ATP10B: variants seen among roughly 807,000 people sequenced by gnomAD.
ATP10B encodes phospholipid-transporting ATPase VB.
Under a neutral mutation model 141.2 loss-of-function variants are expected in ATP10B, and 122 were observed. That is an observed-to-expected ratio of 0.86 (90% confidence interval 0.75 to 1.00). ATP10B has a LOEUF of 1.00. Ranked by LOEUF, ATP10B falls within the 50% of genes least tolerant of loss-of-function variation. The pLI is 0.00. For synonymous variants in ATP10B, 685 were observed against 692.0 expected (o/e 0.99, Z 0.16); for missense variants, 1,876 against 1,825.3 (o/e 1.03, Z -0.51).
chr5:160,594,875 G>C (rs1278285757), intron 22 of ATP10B, among the ~76,000 whole-genome samples: 2 of 152,154 alleles, frequency 1.3e-5, no homozygotes, highest in Non-Finnish European at 2.9e-5. Context: ...CAATACAGGA[G>C]CACCCAGATT....
At chr5:160,735,728 A>T (rs528618348) in intron 2 of ATP10B, among the ~76,000 whole-genome samples, 23 of 152,306 alleles carry the variant, frequency 1.5e-4, no homozygotes, top group African/African-American at 4.8e-4. Context: ...ATTCTCAAGG[A>T]TAGACCATAT....
At chr5:160,567,862 TAGG>T (rs1754638606) in intron 25 of ATP10B, among the ~76,000 whole-genome samples, 2 of 152,272 alleles carry the variant, frequency 1.3e-5, no homozygotes, top group East Asian at 1.9e-4. Flanking sequence ...TAAGATCCAA[TAGG>T]AGACTACCGA....
chr5:160,776,304 C>G (rs1439023890), intron 2 of ATP10B, among the ~76,000 whole-genome samples: 1 of 152,176 alleles, frequency 6.6e-6, no homozygotes, highest in African/African-American at 2.4e-5. Context: ...TACTTTTGGT[C>G]TTGGGCAAGT....
In ATP10B at chr5:160,596,261, C is replaced by T. The variant is rs1056594847; in HGVS notation, c.3564+2509G>A. On this transcript the variant is annotated intron_variant, in intron 22 of 25. Transcript: ENST00000327245. ...ATATACTCATATCAATAAATGTAAT[C>T]CAGCATATAAACAGAACCAAAGACA... 1.1e-4 allele frequency among the ~76,000 whole-genome samples: 16 copies of T among 152,270 alleles called. 2 individuals carry two copies. Among genetic ancestry groups the T allele is most frequent in the Admixed American group, 9.8e-4 (15 of 15,304 alleles).
At chr5:160,675,641 G>A (rs536679495) in intron 6 of ATP10B, among the ~76,000 whole-genome samples, 4 of 152,302 alleles carry the variant, frequency 2.6e-5, no homozygotes, top group East Asian at 3.9e-4. Flanking sequence ...CCTTCAGGAA[G>A]CTCGAATGCC....
intron 10 of ATP10B, among the ~76,000 whole-genome samples, chr5:160,638,685 C>T (rs1186669469): frequency 6.6e-6 from 1 of 152,152 alleles, no homozygotes; most frequent in African/African-American, 2.4e-5. Context: ...TTTCAGACAC[C>T]ATCTTTCTAA....
intron 1 of ATP10B, among the ~76,000 whole-genome samples, chr5:160,816,938 G>C (rs895616928): frequency 2.6e-5 from 4 of 152,138 alleles, no homozygotes; most frequent in Non-Finnish European, 2.9e-5. Context: ...AAAGGCCTTT[G>C]ACAAAATTCA....
the ATP10B span, among the ~76,000 whole-genome samples, chr5:160,900,410 C>T: frequency 0.099 from 15,045 of 152,176 alleles, 848 homozygotes; most frequent in Non-Finnish European, 0.12. Flanking sequence ...ATGAGCAAAA[C>T]GATGCAGTGA....
Position 160,602,678 on chromosome 5 carries a change from T to C in ATP10B, c.3262A>G (p.Ile1088Val). 4 of 1,614,004 alleles carry C rather than the reference T, an allele frequency of 2.5e-6. No homozygotes were observed. In the South Asian group the frequency reaches 3.3e-5, roughly 13 times the overall value. Residue 1088 changes from isoleucine (I) to valine (V), a missense_variant, in exon 21 of 26, where the codon ATC becomes GTC. Ile to Val is a conservative substitution (Grantham distance 29). Coordinates refer to ENST00000327245, the MANE Select transcript of ATP10B (RefSeq NM_025153.3). ...MQAVMSSDFA[I>V]TRFKHLKKLL... Reference sequence around the variant, plus strand: ...TTCTTGAGATGCTTAAAGCGGGTGATGGCAAAGTCGCTGGACATGACAGCC... The same window carrying C: ...TTCTTGAGATGCTTAAAGCGGGTGACGGCAAAGTCGCTGGACATGACAGCC...
At chr5:160,755,645 C>T (rs1411662661) in intron 2 of ATP10B, among the ~76,000 whole-genome samples, 1 of 148,572 alleles carries the variant, frequency 6.7e-6, no homozygotes, top group East Asian at 2.0e-4. Flanking sequence ...GAAACCCCGT[C>T]TCTACTAAAA....
the ATP10B span, among the ~76,000 whole-genome samples, chr5:160,923,195 T>C: frequency 3.3e-5 from 5 of 152,246 alleles, no homozygotes; most frequent in Admixed American, 2.0e-4. Flanking sequence ...CTTGAAAACA[T>C]GTCCTCAGTA....
chr5:160,703,918 T>C (rs932235951), intron 3 of ATP10B, among the ~76,000 whole-genome samples: 1 of 152,204 alleles, frequency 6.6e-6, no homozygotes, highest in African/African-American at 2.4e-5. Flanking sequence ...AAAACAACAT[T>C]AATCTCCTTG....
At chr5:160,814,819 G>A (rs1581584748) in intron 1 of ATP10B, among the ~76,000 whole-genome samples, 1 of 152,170 alleles carries the variant, frequency 6.6e-6, no homozygotes, top group Non-Finnish European at 1.5e-5. Flanking sequence ...GAAGAGAGTG[G>A]GGGCCAATAT....
intron 1 of ATP10B, among the ~76,000 whole-genome samples, chr5:160,792,576 G>A (rs997538768): frequency 6.6e-6 from 1 of 152,092 alleles, no homozygotes; most frequent in Non-Finnish European, 1.5e-5. Context: ...GCTGAAAACA[G>A]TACAGCAGTC....
chr5:160,914,410 G>A, the ATP10B span, among the ~76,000 whole-genome samples: 1 of 152,118 alleles, frequency 6.6e-6, no homozygotes, highest in South Asian at 2.1e-4. Context: ...TAAAATCTGT[G>A]GATGCCCAAG....
the ATP10B span, among the ~76,000 whole-genome samples, chr5:160,870,171 G>T: frequency 2.0e-5 from 3 of 152,046 alleles, no homozygotes; most frequent in African/African-American, 7.2e-5. Flanking sequence ...CCCATGCAAG[G>T]GGAAAGAAAG....
At chr5:160,602,834 C>T in intron 20 of ATP10B, 132 bp from the exon 21 acceptor site, 1 of 1,246,786 alleles carries the variant, frequency 8.0e-7, no homozygotes, top group Non-Finnish European at 1.1e-6. Context: ...TGTGGTCACT[C>T]TTGGGTAGCT....
chr5:160,778,480 A>C (rs1278733868), intron 2 of ATP10B, among the ~76,000 whole-genome samples: 1 of 152,182 alleles, frequency 6.6e-6, no homozygotes, highest in Non-Finnish European at 1.5e-5. Context: ...GCTGAAAGTC[A>C]GTTTTCCCCC....
At chr5:160,787,433 G>A (rs1052328197) in intron 1 of ATP10B, among the ~76,000 whole-genome samples, 4 of 152,088 alleles carry the variant, frequency 2.6e-5, no homozygotes, top group Non-Finnish European at 4.4e-5. Flanking sequence ...TAAGCCAACT[G>A]AGATGCCACC....
Sources: allele counts gnomAD v4.1 joint callset (sites outside exome capture counted in the v4.1 genomes callset), GRCh38; gene constraint gnomAD v4.1.1; transcripts MANE v1.5; gene names NCBI Gene and HGNC (gene_info 2026-07-23, HGNC 2026-07-21).